Variants in KCTD8 observed in about 807,000 individuals in gnomAD.
The protein encoded by KCTD8 is potassium channel tetramerization domain containing 8, also known as BTB/POZ domain-containing protein KCTD8.
In KCTD8, 27 loss-of-function variants were observed where a neutral mutation model predicts 31.5. The ratio of observed to expected loss-of-function variants is 0.86; its 90% confidence interval spans 0.63 to 1.18. KCTD8 has a LOEUF of 1.18. Ranked by LOEUF, KCTD8 falls within the 50% of genes most tolerant of loss-of-function variation. KCTD8 has a pLI of 0.00. For synonymous variants in KCTD8, 290 were observed against 280.0 expected (o/e 1.04, Z -0.36); for missense variants, 658 against 647.7 (o/e 1.02, Z -0.17).
chr4:44,334,364 C>T (rs1219991437), intron 1 of KCTD8, among the ~76,000 whole-genome samples: 4 of 151,944 alleles, frequency 2.6e-5, no homozygotes, highest in African/African-American at 9.7e-5. Flanking sequence ...CTGGATACAT[C>T]ATGATGAAGG....
At chr4:44,433,490 T>C (rs1318322009) in intron 1 of KCTD8, among the ~76,000 whole-genome samples, 3 of 151,720 alleles carry the variant, frequency 2.0e-5, no homozygotes, top group Non-Finnish European at 1.5e-5. Flanking sequence ...TATGGAGCTC[T>C]TCACAGATGG....
rs1717841094 is a variant in KCTD8, at chr4:44,307,682, C to A, written c.962-132432G>T. 1.3e-5 allele frequency among the ~76,000 whole-genome samples: 2 copies of A among 151,922 alleles called. 1 individual carries two copies. The highest frequency in any genetic ancestry group is 4.8e-5 in the African/African-American group (2 of 41,364). On this transcript the variant is annotated intron_variant, in intron 1 of 1. Transcript: ENST00000360029. ...ATTAATTGCATAATTAAATCTCAAACCACAAGAGAAAATACTCTGTTTCAA... is the reference window on the plus strand; with the variant it reads ...ATTAATTGCATAATTAAATCTCAAAACACAAGAGAAAATACTCTGTTTCAA...
At chr4:44,352,486 C>T (rs1719228667) in intron 1 of KCTD8, among the ~76,000 whole-genome samples, 1 of 147,146 alleles carries the variant, frequency 6.8e-6, no homozygotes, top group Non-Finnish European at 1.5e-5. Flanking sequence ...AGAAATATTA[C>T]AAAATTATTA....
intron 1 of KCTD8, among the ~76,000 whole-genome samples, chr4:44,420,737 G>T (rs1034710286): frequency 7.9e-5 from 12 of 152,072 alleles, no homozygotes; most frequent in Admixed American, 2.6e-4. Flanking sequence ...AATATCCTGA[G>T]AATATCTCCC....
intron 1 of KCTD8, among the ~76,000 whole-genome samples, chr4:44,433,809 T>C (rs1409787468): frequency 6.6e-6 from 1 of 151,570 alleles, no homozygotes; most frequent in Non-Finnish European, 1.5e-5. Flanking sequence ...CAAAGTTCAT[T>C]TGATTATACC....
intron 1 of KCTD8, among the ~76,000 whole-genome samples, chr4:44,412,071 A>G (rs1010175325): frequency 6.6e-6 from 1 of 152,170 alleles, no homozygotes; most frequent in Non-Finnish European, 1.5e-5. Flanking sequence ...AGAACACTAA[A>G]AGTGAAAGCA....
At chr4:44,320,170 CAAAAAAAAAAAAAA>C (rs35250421) in intron 1 of KCTD8, among the ~76,000 whole-genome samples, 6 of 31,910 alleles carry the variant, frequency 1.9e-4, no homozygotes, top group African/African-American at 4.1e-4. Context: ...GCCTCCATCT[CAAAAAAAAAAAAAA>C]AAAAAAAAAA....
At chr4:44,249,158 T>C (rs527308407) in intron 1 of KCTD8, among the ~76,000 whole-genome samples, 1 of 151,812 alleles carries the variant, frequency 6.6e-6, no homozygotes, top group Non-Finnish European at 1.5e-5. Flanking sequence ...TTAAATTTTA[T>C]TTGGGGCATG....
At chr4:44,393,445 A>G (rs1388903703) in intron 1 of KCTD8, among the ~76,000 whole-genome samples, 1 of 151,868 alleles carries the variant, frequency 6.6e-6, no homozygotes, top group Non-Finnish European at 1.5e-5. Context: ...GGAAAAAAAC[A>G]GTAAATTTAA....
rs1350963628 is a variant in KCTD8, at chr4:44,321,326, G to C, written c.961+126237C>G. Among the ~76,000 whole-genome samples, 15 of 152,132 alleles carry C rather than the reference G, an allele frequency of 9.9e-5. No individual in the cohort carries two copies. In the East Asian group the frequency reaches 2.7e-3, roughly 27 times the overall value. On this transcript the variant is annotated intron_variant, in intron 1 of 1. Coordinates refer to ENST00000360029, the MANE Select transcript of KCTD8 (RefSeq NM_198353.3). ...ATTTGTTGACTTAACTAATGAATTT[G>C]CCATGTTCCTCAACTTGATGGCAAC...
chr4:44,197,421 G>C (rs1713980286), intron 1 of KCTD8, among the ~76,000 whole-genome samples: 1 of 152,140 alleles, frequency 6.6e-6, no homozygotes, highest in Non-Finnish European at 1.5e-5. Flanking sequence ...GAGCAGATCT[G>C]GGGAGGGGGT....
chr4:44,362,722 A>C (rs958745803), intron 1 of KCTD8, among the ~76,000 whole-genome samples: 1 of 151,982 alleles, frequency 6.6e-6, no homozygotes, highest in African/African-American at 2.4e-5. Context: ...TATAAAGAGG[A>C]TACCAGTATA....
intron 1 of KCTD8, among the ~76,000 whole-genome samples, chr4:44,252,484 T>C (rs572277874): frequency 6.6e-6 from 1 of 151,850 alleles, no homozygotes; most frequent in South Asian, 2.1e-4. Context: ...ACCATCAATG[T>C]AGAAGTGTTC....
intron 1 of KCTD8, among the ~76,000 whole-genome samples, chr4:44,208,587 A>G (rs1714386911): frequency 6.6e-6 from 1 of 152,166 alleles, no homozygotes; most frequent in Admixed American, 6.5e-5. Context: ...AGTACAATGT[A>G]TGCAAACTTT....
Position 44,174,605 on chromosome 4 carries a change from C to A in KCTD8, c.*185G>T. ...ACACTTATTGATTTAATATTTTTTCCTTTTTAATCATGTTTCTAAAAAGAA... is the reference window on the plus strand; with the variant it reads ...ACACTTATTGATTTAATATTTTTTCATTTTTAATCATGTTTCTAAAAAGAA... On this transcript the variant is annotated 3_prime_UTR_variant, in exon 2 of 2. Coordinates refer to ENST00000360029, the MANE Select transcript of KCTD8 (RefSeq NM_198353.3). 1 of 472,600 alleles carries A rather than the reference C, an allele frequency of 2.1e-6. No individual in the cohort carries two copies. Among genetic ancestry groups the A allele is most frequent in the Non-Finnish European group, 3.7e-6 (1 of 272,510 alleles). The allele number at this position is 472,600 out of a possible 1,614,324, so 29.3% of individuals were successfully genotyped here. A position where few individuals can be genotyped will look rare whatever the true frequency, so the allele number is the denominator to read the frequency against.
chr4:44,217,949 T>C (rs1714696609), intron 1 of KCTD8, among the ~76,000 whole-genome samples: 1 of 152,086 alleles, frequency 6.6e-6, no homozygotes, highest in East Asian at 1.9e-4. Context: ...TGGCTTACCA[T>C]GGGACTTCAC....
Position 44,375,132 on chromosome 4 carries a change from A to G in KCTD8, c.961+72431T>C, listed in dbSNP as rs564787992. Among the ~76,000 whole-genome samples the G allele has an allele frequency of 3.9e-5, 6 of 152,238 alleles. No individual in the cohort carries two copies. The East Asian group carries it at 9.7e-4, about 25-fold the overall frequency. The stretch of plus-strand genomic sequence containing the variant: ...GAATTAGAAAGTTAAGCATTGTGTC[A>G]ATTATTTCCACGAAGCAAAGGATAT... On this transcript the variant is annotated intron_variant, in intron 1 of 1. Coordinates refer to ENST00000360029, the MANE Select transcript of KCTD8 (RefSeq NM_198353.3).
intron 1 of KCTD8, among the ~76,000 whole-genome samples, chr4:44,311,743 C>T (rs1010148249): frequency 4.0e-5 from 6 of 151,626 alleles, no homozygotes; most frequent in Non-Finnish European, 8.8e-5. Flanking sequence ...AAAGAAAATG[C>T]CAAATTAATT....
rs376975669 is a variant in KCTD8 at position 44,444,050 on chromosome 4, C to T, written c.961+3513G>A. 2.6e-5 allele frequency among the ~76,000 whole-genome samples: 4 copies of T among 152,132 alleles called. No individual in the cohort carries two copies. The East Asian group carries it at 7.7e-4, about 29-fold the overall frequency. ...TATATGTTGCAGTGTACTAAAAACA[C>T]TTGATAAACAATGAGTTAAGACTGA... On this transcript the variant is annotated intron_variant, in intron 1 of 1. Coordinates refer to ENST00000360029, the MANE Select transcript of KCTD8 (RefSeq NM_198353.3).
Sources: gnomAD v4.1 joint callset for allele counts (sites outside exome capture counted in the v4.1 genomes callset) on GRCh38, gnomAD v4.1.1 for gene constraint, MANE v1.5 for transcripts, NCBI Gene and HGNC (gene_info 2026-07-23, HGNC 2026-07-21) for gene names.